The following PXK variants were observed in gnomAD, a reference collection of about 807,000 sequenced individuals.
PXK encodes the protein PX domain-containing protein kinase-like protein.
A neutral mutation model predicts 84.7 loss-of-function variants in PXK; 35 were observed. The ratio of observed to expected loss-of-function variants is 0.41; its 90% CI spans 0.32 to 0.55. The LOEUF (loss-of-function observed/expected upper bound fraction) is 0.55, where lower values mean the gene tolerates loss of function less well. PXK is among the 20% of genes least tolerant of loss of function. PXK has a pLI of 0.21. For synonymous variants in PXK, 253 were observed against 260.8 expected, an observed-to-expected ratio of 0.97 and a Z score of 0.29; for missense variants, 634 against 699.7, an observed-to-expected ratio of 0.91 and a Z score of 1.06.
Position 58,391,205 on chromosome 3 carries a change from G to A in PXK, c.525G>A (p.Arg175=), listed in dbSNP as rs539845511. ...AGATTAAAAATCAGCCAAAGGAACG[G>A]CTAGTGTTAAGCTGGGTAAGCTAGC... The part of the protein sequence containing the change: ...LMKIKNQPKE[R]LVLSWADLGP... Residue 175 remains arginine, a synonymous_variant, in exon 6 of 18, where the codon CGG becomes CGA. Coordinates refer to ENST00000356151, the MANE Select transcript of PXK (RefSeq NM_017771.5). 51 of 1,613,364 alleles carry A rather than the reference G, an allele frequency of 3.2e-5. No homozygotes were observed. Among genetic ancestry groups the A allele is most frequent in the Non-Finnish European group, 4.2e-5 (50 of 1,179,556 alleles).
intron 1 of PXK, among the ~76,000 whole-genome samples, chr3:58,360,566 T>G (rs1229114585): frequency 1.3e-5 from 2 of 152,124 alleles, no homozygotes; most frequent in African/African-American, 4.8e-5. Context: ...CTGGGCACAG[T>G]GGCTCATACC....
intron 1 of PXK, among the ~76,000 whole-genome samples, chr3:58,356,626 C>T (rs1464734456): frequency 2.7e-5 from 4 of 150,490 alleles, no homozygotes; most frequent in Non-Finnish European, 5.9e-5. Flanking sequence ...TTTTTTGAGA[C>T]GGAGTCTTGC....
Position 58,383,881 on chromosome 3 carries a change from G to C in PXK, c.388+1181G>C, listed in dbSNP as rs189317972. 2.0e-5 allele frequency among the ~76,000 whole-genome samples: 3 copies of C among 152,246 alleles called. No individual in the cohort carries two copies. In the East Asian group the frequency reaches 5.8e-4, roughly 29 times the overall value. ...TTGCTTTTGAAGTAATTAGAGAGAG[G>C]CATTTTTATTCCTATTTTATTCCTT... On this transcript the variant is annotated intron_variant, in intron 4 of 17. Coordinates refer to ENST00000356151, the MANE Select transcript of PXK (RefSeq NM_017771.5). This position sits in a 1 kb window ranked among gnomAD's most constrained non-coding sequence, Gnocchi z 4.0.
rs1339856598 is a variant in PXK at position 58,401,516 on chromosome 3, C to T, written c.1181+2139C>T. On this transcript the variant is annotated intron_variant, in intron 12 of 17. Coordinates refer to ENST00000356151, the MANE Select transcript of PXK (RefSeq NM_017771.5). This position sits in a 1 kb window ranked among gnomAD's most constrained non-coding sequence, Gnocchi z 4.4. ...GTGCACCAAGTAATAATCCCAGCTA[C>T]TTGGAAGGCTGAGGTGGTAGAATCG... is the stretch of plus-strand genomic sequence containing the variant. Among the ~76,000 whole-genome samples, 1 of 152,098 alleles carries T rather than the reference C, an allele frequency of 6.6e-6. No homozygotes were observed. Among genetic ancestry groups the T allele is most frequent in the East Asian group, 1.9e-4 (1 of 5,198 alleles).
chr3:58,421,827 C>T lies in PXK; in HGVS notation c.1529-2925C>T, dbSNP rs1016745646. On this transcript the variant is annotated intron_variant, in intron 17 of 17. Transcript: ENST00000356151. The surrounding 1 kb of genome is among the most constrained non-coding windows in gnomAD (Gnocchi z 5.5). ...TAAGAGAAAGTGAGATGGGAGAAAT[C>T]GGGACTGACCTGGTCGTAACTGAAG... 4.2e-5 allele frequency: 41 copies of T among 985,246 alleles called. No homozygotes were observed. The highest frequency in any genetic ancestry group is 4.7e-5 in the Non-Finnish European group (39 of 829,930). The allele number at this position is 985,246 out of a possible 1,614,324, so 61.0% of individuals were successfully genotyped here.
At chr3:58,394,976 A>G in intron 7 of PXK, 22 bp from the exon 8 acceptor site, 1 of 1,562,256 alleles carries the variant, frequency 6.4e-7, no homozygotes, top group Non-Finnish European at 8.8e-7. Context: ...AATCAATGTG[A>G]ATTTCTTTTT....
intron 1 of PXK, among the ~76,000 whole-genome samples, chr3:58,339,160 A>C (rs2097679850): frequency 6.6e-6 from 1 of 151,288 alleles, no homozygotes. Context: ...AGAGATTGTA[A>C]GTTGTCTCTT....
Position 58,333,102 on chromosome 3 carries a change from A to AGCGG in PXK, c.102+25_102+28dup, listed in dbSNP as rs771296548. 72 of 1,154,424 alleles carry AGCGG rather than the reference A, an allele frequency of 6.2e-5. No individual in the cohort carries two copies. The highest frequency in any genetic ancestry group is 7.4e-5 in the Non-Finnish European group (69 of 933,308). The allele number at this position is 1,154,424 out of a possible 1,614,324, so 71.5% of individuals were successfully genotyped here. A position where few individuals can be genotyped will look rare whatever the true frequency, so the allele number is the denominator to read the frequency against. ...TGCAGTCCCACACGGTGCGCGGCCC[A>AGCGG]GCGGGCGGGCGGGCGGCGTGGGGCG... is the stretch of plus-strand genomic sequence containing the variant. On this transcript the variant is annotated intron_variant, in intron 1 of 17. Coordinates refer to ENST00000356151, the MANE Select transcript of PXK (RefSeq NM_017771.5). This position sits in a 1 kb window ranked among gnomAD's most constrained non-coding sequence, Gnocchi z 5.4.
chr3:58,334,947 G>GTGTGTGTGTC (rs1553732623), intron 1 of PXK, among the ~76,000 whole-genome samples: 30 of 128,466 alleles, frequency 2.3e-4, no homozygotes, highest in African/African-American at 1.1e-3. Context: ...GTGTGTGTGT[G>GTGTGTGTGTC]TGTGTGTGTG....
In PXK at chr3:58,397,469, G is replaced by A. The variant is rs2057877762; in HGVS notation, c.985-136G>A. On this transcript the variant is annotated intron_variant, in intron 10 of 17. Transcript: ENST00000356151. This position sits in a 1 kb window ranked among gnomAD's most constrained non-coding sequence, Gnocchi z 4.7. ...CTCATGAGGTTTTACAGAAGGCTTT[G>A]GAGTTGCATTTACGTTACCAATTAG... is the stretch of plus-strand genomic sequence containing the variant. The A allele has an allele frequency of 1.2e-6, 1 of 838,104 alleles. No homozygotes were observed. The highest frequency in any genetic ancestry group is 2.4e-5 in the East Asian group (1 of 40,950). 51.9% of individuals were successfully genotyped at this position (838,104 alleles called of 1,614,324 possible). A position where few individuals can be genotyped will look rare whatever the true frequency, so the allele number is the denominator to read the frequency against.
rs376478992 is a variant in PXK at position 58,424,822 on chromosome 3, C to T, written c.1599C>T (p.Thr533=). The part of the protein sequence containing the change: ...PPAAPLPPAS[T]EAPAQLSSQA... ...CAGCTCCCTTGCCTCCTGCGAGCAC[C>T]GAGGCACCTGCCCAGCTCTCGTCTC... The change falls in exon 18 of 18, where the codon ACC becomes ACT. Residue 533 remains threonine (T), a synonymous_variant. Coordinates refer to ENST00000356151, the MANE Select transcript of PXK (RefSeq NM_017771.5). 40 of 1,614,022 alleles carry T rather than the reference C, an allele frequency of 2.5e-5. No individual in the cohort carries two copies. The East Asian group carries it at 3.3e-4, about 13-fold the overall frequency.
At position 58,425,881 on chromosome 3, in the gene PXK, C is replaced by T. The variant is rs2062748133; in HGVS notation, c.*921C>T. On this transcript the variant is annotated 3_prime_UTR_variant, in exon 18 of 18. Coordinates refer to ENST00000356151, the MANE Select transcript of PXK (RefSeq NM_017771.5). ...TTTGCTTAAACCTTTCAATAAATTG[C>T]ACTTTAAAGGATTATAAATAATCCA... 6.6e-6 allele frequency: 1 copy of T among 152,162 alleles called. No homozygotes were observed. Among genetic ancestry groups the T allele is most frequent in the Non-Finnish European group, 1.5e-5 (1 of 68,032 alleles). The allele number at this position is 152,162 out of a possible 1,614,324, so 9.4% of individuals were successfully genotyped here.
At chr3:58,408,515 C>G (rs965149362) in intron 13 of PXK, among the ~76,000 whole-genome samples, 5 of 146,564 alleles carry the variant, frequency 3.4e-5, no homozygotes, top group African/African-American at 1.2e-4. Flanking sequence ...TGATTTTATT[C>G]CAAATGACTC....
chr3:58,390,694 C>T lies in PXK; in HGVS notation c.466+35C>T. ...TGGCACGCTCATTCTGTTAAAAAGA[C>T]AGATCACAGAACTGGATCCTTAGTC... On this transcript the variant is annotated intron_variant, in intron 5 of 17. Coordinates refer to ENST00000356151, the MANE Select transcript of PXK (RefSeq NM_017771.5). This position sits in a 1 kb window ranked among gnomAD's most constrained non-coding sequence, Gnocchi z 4.2. The T allele has an allele frequency of 6.3e-7, 1 of 1,575,648 alleles. No individual in the cohort carries two copies. The highest frequency in any genetic ancestry group is 8.7e-7 in the Non-Finnish European group (1 of 1,149,808).
intron 1 of PXK, among the ~76,000 whole-genome samples, chr3:58,340,304 G>A (rs1385322893): frequency 2.7e-5 from 4 of 150,522 alleles, no homozygotes; most frequent in Admixed American, 6.6e-5. Flanking sequence ...TAAATTTTCT[G>A]TCGAGACAGG....
chr3:58,333,012 A>G lies in PXK; in HGVS notation c.24A>G (p.Pro8=). 7.3e-7 allele frequency: 1 copy of G among 1,368,998 alleles called. No homozygotes were observed. Among genetic ancestry groups the G allele is most frequent in the Non-Finnish European group, 9.5e-7 (1 of 1,048,444 alleles). The allele number at this position is 1,368,998 out of a possible 1,614,324, so 84.8% of individuals were successfully genotyped here. Reference sequence around the variant, plus strand: ...GGATGGCCTTCATGGAGAAGCCGCCAGCCGGCAAGGTGCTGCTGGACGACA... The same window carrying G: ...GGATGGCCTTCATGGAGAAGCCGCCGGCCGGCAAGGTGCTGCTGGACGACA... MAFMEKP[P]AGKVLLDDTV... The change falls in exon 1 of 18, where the codon CCA becomes CCG. Residue 8 remains proline, a synonymous_variant. Coordinates refer to ENST00000356151, the MANE Select transcript of PXK (RefSeq NM_017771.5). This position sits in a 1 kb window ranked among gnomAD's most constrained non-coding sequence, Gnocchi z 5.4.
rs1438793904 is a variant in PXK, at chr3:58,344,319, A to C, written c.102+11229A>C. On this transcript the variant is annotated intron_variant, in intron 1 of 17. Coordinates refer to ENST00000356151, the MANE Select transcript of PXK (RefSeq NM_017771.5). The stretch of plus-strand genomic sequence containing the variant: ...TGTTTTGAATGGGAAAAGGAAAATT[A>C]TTTATTTAAAAGTTTGTCTCACTGT... 2.0e-5 allele frequency among the ~76,000 whole-genome samples: 3 copies of C among 152,210 alleles called. No individual in the cohort carries two copies. The East Asian group carries it at 5.8e-4, about 29-fold the overall frequency.
chr3:58,422,478 C>G (rs2062045177), intron 17 of PXK: 12 of 985,324 alleles, frequency 1.2e-5, no homozygotes, highest in Non-Finnish European at 1.3e-5. Flanking sequence ...TTTACTGGAG[C>G]CCTGGAGCCC....
intron 7 of PXK, among the ~76,000 whole-genome samples, chr3:58,394,717 C>T (rs1336423643): frequency 6.6e-6 from 1 of 152,194 alleles, no homozygotes; most frequent in Non-Finnish European, 1.5e-5. Context: ...TGAGAGTGCA[C>T]ACACCAAAGA....
Sources: allele counts gnomAD v4.1 joint callset (sites outside exome capture counted in the v4.1 genomes callset), GRCh38; gene constraint gnomAD v4.1.1; non-coding constraint Gnocchi (gnomAD v3.1); transcripts MANE v1.5; gene names NCBI Gene and HGNC (gene_info 2026-07-23, HGNC 2026-07-21).